Variants in ATXN3 observed in about 807,000 individuals in gnomAD.
The protein encoded by ATXN3 is ataxin-3.
In ATXN3, 28 loss-of-function variants were observed where a neutral mutation model predicts 58.2. The observed-to-expected ratio is 0.48, with a 90% CI of 0.36 to 0.66. The LOEUF (loss-of-function observed/expected upper bound fraction) is 0.66. Among genes scored for constraint, ATXN3 ranks in the 30% least tolerant of loss-of-function variants. The probability of loss-of-function intolerance (pLI) is 0.00; values close to 1 mark genes in which losing one functional copy is unlikely to be tolerated. For synonymous variants in ATXN3, 113 were observed against 138.5 expected, an observed-to-expected ratio of 0.82 and a Z score of 1.29; for missense variants, 321 against 422.1, an observed-to-expected ratio of 0.76 and a Z score of 2.10.
At chr14:92,102,328 T>C (rs56382532) in intron 1 of ATXN3, among the ~76,000 whole-genome samples, 45,622 of 151,492 alleles carry the variant, frequency 0.3, 7,099 homozygotes, top group Admixed American at 0.39. Flanking sequence ...TAAAAGAAAT[T>C]CTATGATTTT....
At chr14:92,106,376 C>A (rs1258643922) in intron 1 of ATXN3, among the ~76,000 whole-genome samples, 153 bp downstream of exon 1, 3 of 151,906 alleles carry the variant, frequency 2.0e-5, no homozygotes, top group Non-Finnish European at 4.4e-5. Context: ...CTCCTCGAGC[C>A]GAGGAGGCGG....
chr14:92,095,524 T>C (rs1343408039), intron 3 of ATXN3, among the ~76,000 whole-genome samples: 1 of 150,080 alleles, frequency 6.7e-6, no homozygotes, highest in African/African-American at 2.4e-5. Context: ...ATTACAGGTG[T>C]GAGCCACCGC....
At chr14:92,075,201 G>A (rs1949189552) in intron 9 of ATXN3, among the ~76,000 whole-genome samples, 1 of 117,950 alleles carries the variant, frequency 8.5e-6, no homozygotes, top group Non-Finnish European at 1.6e-5. Context: ...TCTTGCTCTT[G>A]TCGCCTAGGC....
intron 5 of ATXN3, chr14:92,090,377 G>C (rs1223818406): frequency 6.6e-6 from 1 of 152,108 alleles, no homozygotes; most frequent in East Asian, 1.9e-4. Flanking sequence ...CTACATGCTG[G>C]AATTACAGGT....
At chr14:92,075,279 C>T (rs991193261) in intron 9 of ATXN3, among the ~76,000 whole-genome samples, 50 of 151,560 alleles carry the variant, frequency 3.3e-4, no homozygotes, top group African/African-American at 1.2e-3. Flanking sequence ...ATTCTCCTGC[C>T]TCAGCCTGCC....
intron 1 of ATXN3, among the ~76,000 whole-genome samples, chr14:92,101,237 G>A (rs1188355656): frequency 6.6e-6 from 1 of 152,148 alleles, no homozygotes; most frequent in Non-Finnish European, 1.5e-5. Context: ...GGGCTGAGGT[G>A]GGAGGATCAC....
At chr14:92,081,503 A>G (rs1342465393) in intron 8 of ATXN3, among the ~76,000 whole-genome samples, 2 of 150,988 alleles carry the variant, frequency 1.3e-5, no homozygotes, top group Non-Finnish European at 3.0e-5. Flanking sequence ...AAAAAAAAAA[A>G]GAAAGAAATC....
chr14:92,070,946 C>G lies in ATXN3; in HGVS notation c.980G>C (p.Gly327Ala). The change falls in exon 10 of 11, where the codon GGG becomes GCG. Residue 327 changes from glycine (G) to alanine (A), a missense_variant. By Grantham distance (60) the Gly-to-Ala change is moderately conservative. This residue lies in a region of ATXN3 where 200 missense variants were observed against 223.2 expected (regional missense o/e 0.90). Transcript: ENST00000644486. ...ERPATSSGAL[G>A]SDLGDAMSEE... ...TGAGCAGGCCTTACCTAGATCACTC[C>G]CAAGTGCTCCTGAACTGGTGGCTGG... The G allele has an allele frequency of 6.3e-7, 1 of 1,578,794 alleles. No individual in the cohort carries two copies. Among genetic ancestry groups the G allele is most frequent in the Non-Finnish European group, 8.6e-7 (1 of 1,163,754 alleles).
intron 1 of ATXN3, among the ~76,000 whole-genome samples, chr14:92,106,156 A>G (rs1447071442): frequency 6.6e-6 from 1 of 151,846 alleles, no homozygotes; most frequent in Non-Finnish European, 1.5e-5. Flanking sequence ...CCCAGAGATG[A>G]CTCTAGCTAG....
intron 10 of ATXN3, among the ~76,000 whole-genome samples, chr14:92,070,388 G>T (rs558124846): frequency 9.8e-4 from 149 of 152,228 alleles, no homozygotes; most frequent in African/African-American, 3.4e-3. Flanking sequence ...GACCATCCTG[G>T]CTAACATGGT....
At chr14:92,085,711 T>C (rs2062325472) in intron 6 of ATXN3, among the ~76,000 whole-genome samples, 1 of 152,364 alleles carries the variant, frequency 6.6e-6, no homozygotes, top group Admixed American at 6.5e-5. Flanking sequence ...CATGTTCAGT[T>C]TGAAACACTT....
chr14:92,056,162 C>T (rs746264643), downstream of ATXN3, among the ~76,000 whole-genome samples: 11 of 152,120 alleles, frequency 7.2e-5, no homozygotes, highest in Admixed American at 2.6e-4. Flanking sequence ...GGGTGAAGAA[C>T]GAGCCTTAGC....
chr14:92,064,375 A>G lies in ATXN3; in HGVS notation c.1031T>C (p.Val344Ala). ...MSEEDMLQAA[V>A]TMSLETVRND... is the part of the protein sequence containing the mutation. ...TCTGACAGTTTCTAAAGACATGGTC[A>G]CAGCTGCCTGAAGCATGTCTTCTTC... Residue 344 changes from valine (V) to alanine (A), a missense_variant, in exon 11 of 11, where the codon GTG (valine) becomes GCG (alanine). Coordinates refer to ENST00000644486, the MANE Select transcript of ATXN3 (RefSeq NM_004993.6). The G allele has an allele frequency of 6.2e-7, 1 of 1,613,342 alleles. No homozygotes were observed. The highest frequency in any genetic ancestry group is 8.5e-7 in the Non-Finnish European group (1 of 1,179,544).
chr14:92,092,146 G>A (rs762081679), intron 5 of ATXN3, among the ~76,000 whole-genome samples: 11 of 152,014 alleles, frequency 7.2e-5, no homozygotes, highest in South Asian at 2.1e-4. Flanking sequence ...CCAGGCAACC[G>A]CTGGTCAATC....
intron 5 of ATXN3, among the ~76,000 whole-genome samples, chr14:92,091,860 T>C (rs1459262747): frequency 2.0e-5 from 3 of 151,190 alleles, no homozygotes; most frequent in Admixed American, 2.0e-4. Flanking sequence ...CAATTTTTTT[T>C]TCTTTCATTT....
upstream of ATXN3, among the ~76,000 whole-genome samples, chr14:92,051,362 T>G (rs1248996898): frequency 6.6e-6 from 1 of 152,202 alleles, no homozygotes; most frequent in Non-Finnish European, 1.5e-5. Context: ...CCAAGAGAAT[T>G]GTAAAGTGCT....
In ATXN3 at chr14:92,083,197, C is replaced by T; in HGVS notation, c.537G>A (p.Gln179=). 1 of 1,613,884 alleles carries T rather than the reference C, an allele frequency of 6.2e-7. No individual in the cohort carries two copies. Among genetic ancestry groups the T allele is most frequent in the Non-Finnish European group, 8.5e-7 (1 of 1,179,960 alleles). ...LPDCEADQLL[Q]MIRVQQMHRP... ...GATGCATCTGTTGGACCCTAATCAT[C>T]TGCAGGAGTTGGTCAGCTTCGCAAT... Residue 179 remains glutamine, a synonymous_variant, in exon 7 of 11, where the codon CAG becomes CAA. Coordinates refer to ENST00000644486, the MANE Select transcript of ATXN3 (RefSeq NM_004993.6).
intron 2 of ATXN3, 96 bp from the exon 3 acceptor site, chr14:92,096,233 C>T (rs943348728): frequency 1.9e-6 from 3 of 1,608,352 alleles, no homozygotes; most frequent in Non-Finnish European, 2.5e-6. Context: ...ATATCTTGTG[C>T]ATTCCCATTT....
chr14:92,051,800 T>C (rs560907371), upstream of ATXN3, among the ~76,000 whole-genome samples: 1 of 133,534 alleles, frequency 7.5e-6, no homozygotes, highest in Admixed American at 8.6e-5. Flanking sequence ...TGATCTCGGC[T>C]CACTGCAACC....
Sources: allele counts gnomAD v4.1 joint callset (sites outside exome capture counted in the v4.1 genomes callset), GRCh38; gene constraint gnomAD v4.1.1; regional missense constraint gnomAD v4.1.1; transcripts MANE v1.5; gene names NCBI Gene and HGNC (gene_info 2026-07-23, HGNC 2026-07-21).